The following ULK4 variants were observed in gnomAD, a reference collection of about 807,000 sequenced individuals.
The protein encoded by ULK4 is unc-51 like kinase 4.
In ULK4, 133 loss-of-function variants were observed where a neutral mutation model predicts 160.6. The ratio of observed to expected loss-of-function variants is 0.83; its 90% CI spans 0.72 to 0.96. The LOEUF is 0.96. Among genes scored for constraint, ULK4 ranks in the 40% least tolerant of loss-of-function variants. The pLI, the probability that ULK4 is intolerant of heterozygous loss-of-function variation, is 0.00. For synonymous variants in ULK4, 534 were observed against 539.8 expected (o/e 0.99, Z 0.15); for missense variants, 1,580 against 1,499.5 (o/e 1.05, Z -0.89).
At chr3:41,383,953 T>C (rs777600627) in intron 35 of ULK4, among the ~76,000 whole-genome samples, 1 of 152,230 alleles carries the variant, frequency 6.6e-6, no homozygotes, top group Non-Finnish European at 1.5e-5. Context: ...CTTTGTTCCA[T>C]AAATATTATC....
At chr3:41,774,562 G>A (rs1279954275) in intron 21 of ULK4, among the ~76,000 whole-genome samples, 1 of 148,598 alleles carries the variant, frequency 6.7e-6, no homozygotes, top group Admixed American at 6.6e-5. Flanking sequence ...TCATTAAAAA[G>A]TCAGGAAACA....
intron 31 of ULK4, among the ~76,000 whole-genome samples, chr3:41,596,123 G>T (rs1214528739): frequency 6.6e-6 from 1 of 152,162 alleles, no homozygotes. Context: ...AAAGAAAGAC[G>T]GGAGTATGAG....
intron 35 of ULK4, among the ~76,000 whole-genome samples, chr3:41,298,885 T>C (rs1414978838): frequency 6.6e-6 from 1 of 152,202 alleles, no homozygotes; most frequent in African/African-American, 2.4e-5. Context: ...TAAAGGGTCA[T>C]TGAAGGTGAT....
chr3:41,830,834 C>T (rs1478198789), intron 18 of ULK4, among the ~76,000 whole-genome samples: 3 of 151,332 alleles, frequency 2.0e-5, no homozygotes, highest in African/African-American at 2.4e-5. Flanking sequence ...TTTATTTTCT[C>T]GGGGGGTATA....
At chr3:41,762,655 CTTTTTTTTTTTT>C (rs35695794) in intron 21 of ULK4, among the ~76,000 whole-genome samples, 1 of 89,002 alleles carries the variant, frequency 1.1e-5, no homozygotes, top group South Asian at 4.6e-4. Flanking sequence ...AAGTGTTACA[CTTTTTTTTTTTT>C]TTTTTTTTTT....
chr3:41,289,818 T>C (rs1295998369), intron 35 of ULK4, among the ~76,000 whole-genome samples: 44 of 136,478 alleles, frequency 3.2e-4, no homozygotes, highest in African/African-American at 3.8e-4. Flanking sequence ...TATGTATGTA[T>C]GTATGTATGT....
intron 21 of ULK4, among the ~76,000 whole-genome samples, chr3:41,786,852 G>A (rs1032404446): frequency 2.9e-4 from 44 of 152,088 alleles, no homozygotes; most frequent in African/African-American, 1.0e-3. Flanking sequence ...TGGAAAGAAG[G>A]CAGAAGACCA....
chr3:41,306,399 G>A (rs1325590492), intron 35 of ULK4, among the ~76,000 whole-genome samples: 7 of 133,284 alleles, frequency 5.3e-5, no homozygotes, highest in South Asian at 2.5e-4. Flanking sequence ...GGTGAGGGGC[G>A]CCTCTGCCCG....
intron 35 of ULK4, among the ~76,000 whole-genome samples, chr3:41,360,875 T>G (rs75500851): frequency 6.6e-6 from 1 of 151,870 alleles, no homozygotes; most frequent in Admixed American, 6.6e-5. Context: ...ATAGCACACG[T>G]TTACCTATGT....
intron 32 of ULK4, among the ~76,000 whole-genome samples, chr3:41,530,674 G>A (rs2086276466): frequency 6.6e-6 from 1 of 152,188 alleles, no homozygotes; most frequent in South Asian, 2.1e-4. Flanking sequence ...CTGAGTTATG[G>A]TGGTTTGTAA....
At chr3:41,367,631 C>T (rs533468586) in intron 35 of ULK4, among the ~76,000 whole-genome samples, 4 of 152,290 alleles carry the variant, frequency 2.6e-5, no homozygotes, top group African/African-American at 7.2e-5. Context: ...ATGTGGTCTT[C>T]TCAATCCTGA....
chr3:41,938,513 C>A (rs930385173), intron 2 of ULK4, among the ~76,000 whole-genome samples: 13 of 152,098 alleles, frequency 8.5e-5, no homozygotes, highest in Non-Finnish European at 1.6e-4. Context: ...GAAACCCCGT[C>A]TCTACTAAAA....
chr3:41,735,462 A>C (rs756249011), intron 22 of ULK4, among the ~76,000 whole-genome samples: 27 of 152,212 alleles, frequency 1.8e-4, no homozygotes, highest in Non-Finnish European at 3.7e-4. Context: ...TTCGAGTTCT[A>C]CCGAGCTCTA....
intron 12 of ULK4, among the ~76,000 whole-genome samples, chr3:41,906,879 G>A (rs116434441): frequency 0.015 from 2,235 of 152,204 alleles, 43 homozygotes; most frequent in African/African-American, 0.052. Flanking sequence ...TGTAGTCCCA[G>A]CGACTTGGTA....
At chr3:41,652,326 A>G (rs981755480) in intron 30 of ULK4, among the ~76,000 whole-genome samples, 1 of 152,230 alleles carries the variant, frequency 6.6e-6, no homozygotes, top group African/African-American at 2.4e-5. Flanking sequence ...ACCTGGGACA[A>G]AACTCCTAAG....
intron 5 of ULK4, among the ~76,000 whole-genome samples, chr3:41,923,819 T>A (rs1485275206): frequency 1.3e-5 from 2 of 152,200 alleles, no homozygotes; most frequent in Non-Finnish European, 2.9e-5. Context: ...TCAGCCCAGA[T>A]TTCTAATTTC....
chr3:41,664,992 G>A (rs1176570522), intron 29 of ULK4, among the ~76,000 whole-genome samples: 1 of 152,080 alleles, frequency 6.6e-6, no homozygotes, highest in East Asian at 1.9e-4. Context: ...GCAGCACTGT[G>A]TAGATGCTCA....
chr3:41,563,223 G>T (rs1380217702), intron 32 of ULK4, among the ~76,000 whole-genome samples: 1 of 152,210 alleles, frequency 6.6e-6, no homozygotes, highest in Non-Finnish European at 1.5e-5. Flanking sequence ...TCTGCCAAAA[G>T]ATCTGCTGTT....
rs569643174 is a variant in ULK4 at position 41,818,679 on chromosome 3, T to A, written c.1848+744A>T. Among the ~76,000 whole-genome samples the A allele has an allele frequency of 1.1e-4, 17 of 152,306 alleles. 1 individual carries two copies. The South Asian group carries it at 3.5e-3, about 32-fold the overall frequency. ...CACTTGGAACATGATTCTGTTACCA[T>A]ATAAAGTAGGAAGCAATGAACTCAA... On this transcript the variant is annotated intron_variant, in intron 19 of 36. Coordinates refer to ENST00000301831, the MANE Select transcript of ULK4 (RefSeq NM_017886.4).
Sources: allele counts gnomAD v4.1 joint callset (sites outside exome capture counted in the v4.1 genomes callset), GRCh38; gene constraint gnomAD v4.1.1; transcripts MANE v1.5; gene names NCBI Gene and HGNC (gene_info 2026-07-23, HGNC 2026-07-21).